DNAAF11: variants seen among roughly 807,000 people sequenced by gnomAD.
The protein encoded by DNAAF11 is dynein axonemal assembly factor 11.
In DNAAF11, 45 loss-of-function variants were observed where a neutral mutation model predicts 60.8. The ratio of observed to expected loss-of-function variants is 0.74; its 90% CI spans 0.58 to 0.95. The LOEUF is 0.95. Among genes scored for constraint, DNAAF11 ranks in the 40% least tolerant of loss-of-function variants. The pLI is 0.00. For missense variants in DNAAF11, 546 were observed against 546.2 expected (o/e 1.00, Z 0.00); for synonymous variants, 191 against 183.5 (o/e 1.04, Z -0.33).
intron 5 of DNAAF11, among the ~76,000 whole-genome samples, chr8:132,627,171 T>C (rs2130361109): frequency 6.6e-6 from 1 of 152,360 alleles, no homozygotes; most frequent in South Asian, 2.1e-4. Context: ...CAATATTCTA[T>C]ATAATTGCCA....
chr8:132,590,430 G>A (rs1313883085), intron 10 of DNAAF11, among the ~76,000 whole-genome samples: 4 of 152,204 alleles, frequency 2.6e-5, no homozygotes, highest in Non-Finnish European at 5.9e-5. Context: ...GTAACTTCCT[G>A]ATGGTACACA....
chr8:132,600,617 C>A (rs1166192076), intron 10 of DNAAF11, among the ~76,000 whole-genome samples: 1 of 152,100 alleles, frequency 6.6e-6, no homozygotes, highest in East Asian at 1.9e-4. Flanking sequence ...AGAAATAACA[C>A]CACACATCTA....
chr8:132,639,464 C>T (rs1040990515), intron 3 of DNAAF11, among the ~76,000 whole-genome samples: 1 of 152,074 alleles, frequency 6.6e-6, no homozygotes, highest in African/African-American at 2.4e-5. Context: ...TTTTCTGTGG[C>T]TATATAAATT....
intron 7 of DNAAF11, 101 bp downstream of exon 7, chr8:132,622,510 G>T: frequency 1.2e-6 from 1 of 842,648 alleles, no homozygotes; most frequent in Non-Finnish European, 1.9e-6. Context: ...AGAGCAGTCA[G>T]AAATATTCTT....
At chr8:132,641,745 T>A (rs1012606945) in intron 3 of DNAAF11, among the ~76,000 whole-genome samples, 1 of 152,228 alleles carries the variant, frequency 6.6e-6, no homozygotes, top group African/African-American at 2.4e-5. Context: ...GGACATTAAA[T>A]TCTAGTAAGT....
chr8:132,594,068 A>G (rs767294451), intron 10 of DNAAF11, among the ~76,000 whole-genome samples: 1 of 152,212 alleles, frequency 6.6e-6, no homozygotes, highest in Non-Finnish European at 1.5e-5. Context: ...TGCTTATTAT[A>G]CAAATAATAA....
At chr8:132,626,070 G>T (rs113386346) in intron 5 of DNAAF11, among the ~76,000 whole-genome samples, 11,050 of 150,152 alleles carry the variant, frequency 0.074, 1,096 homozygotes, top group African/African-American at 0.23. Flanking sequence ...TTTTTTTTGA[G>T]ACGGAGTCTC....
At chr8:132,621,261 C>A (rs765286059) in intron 7 of DNAAF11, among the ~76,000 whole-genome samples, 2 of 152,116 alleles carry the variant, frequency 1.3e-5, no homozygotes, top group Non-Finnish European at 2.9e-5. Flanking sequence ...AGAGGAGAAA[C>A]GGTGGAAGCT....
chr8:132,595,050 G>A (rs995212079), intron 10 of DNAAF11, among the ~76,000 whole-genome samples: 1 of 151,982 alleles, frequency 6.6e-6, no homozygotes, highest in Non-Finnish European at 1.5e-5. Context: ...CCATGATCTG[G>A]AGGTCTCCCC....
the DNAAF11 span, among the ~76,000 whole-genome samples, chr8:132,700,279 C>T: frequency 2.0e-5 from 3 of 152,188 alleles, no homozygotes; most frequent in African/African-American, 7.2e-5. Context: ...ACCCAGTCAA[C>T]CAGGTTTTGG....
At chr8:132,686,258 A>G in the DNAAF11 span, among the ~76,000 whole-genome samples, 1 of 152,090 alleles carries the variant, frequency 6.6e-6, no homozygotes, top group Non-Finnish European at 1.5e-5. Flanking sequence ...AAATGCAAAA[A>G]ATTATTAGAC....
At chr8:132,594,974 T>A (rs1816836801) in intron 10 of DNAAF11, among the ~76,000 whole-genome samples, 1 of 152,062 alleles carries the variant, frequency 6.6e-6, no homozygotes, top group South Asian at 2.1e-4. Flanking sequence ...TAAATGGTAG[T>A]CTTTCTGGCT....
the DNAAF11 span, among the ~76,000 whole-genome samples, chr8:132,701,551 A>C: frequency 6.6e-6 from 1 of 152,212 alleles, no homozygotes; most frequent in South Asian, 2.1e-4. Flanking sequence ...CCTGAGCTGC[A>C]TGGACCCCAG....
At chr8:132,624,661 G>C (rs1022362338) in intron 6 of DNAAF11, among the ~76,000 whole-genome samples, 8 of 151,970 alleles carry the variant, frequency 5.3e-5, no homozygotes, top group African/African-American at 1.9e-4. Context: ...TGAATAATAA[G>C]TATTCCCATA....
At chr8:132,593,084 A>C (rs1816630842) in intron 10 of DNAAF11, among the ~76,000 whole-genome samples, 1 of 151,900 alleles carries the variant, frequency 6.6e-6, no homozygotes, top group Non-Finnish European at 1.5e-5. Context: ...GAGCAAAGGA[A>C]GATGTACTTA....
At chr8:132,615,511 T>A (rs1819053603) in intron 7 of DNAAF11, among the ~76,000 whole-genome samples, 1 of 152,126 alleles carries the variant, frequency 6.6e-6, no homozygotes, top group Non-Finnish European at 1.5e-5. Context: ...AGTTTTAGAG[T>A]CCTGTCTTCC....
intron 11 of DNAAF11, among the ~76,000 whole-genome samples, chr8:132,576,218 C>G (rs1448967922): frequency 6.6e-6 from 1 of 152,140 alleles, no homozygotes; most frequent in Non-Finnish European, 1.5e-5. Context: ...TCCAATTTTT[C>G]TTTAATTGCT....
At chr8:132,646,099 T>A (rs1018399186) in intron 3 of DNAAF11, among the ~76,000 whole-genome samples, 4 of 152,184 alleles carry the variant, frequency 2.6e-5, no homozygotes, top group Non-Finnish European at 5.9e-5. Flanking sequence ...AAGGTTGGGT[T>A]ACCCACAAAG....
chr8:132,593,328 CATACATAT>C (rs1272729842), intron 10 of DNAAF11, among the ~76,000 whole-genome samples: 1,225 of 67,562 alleles, frequency 0.018, 24 homozygotes, highest in African/African-American at 0.082. Flanking sequence ...AGAATATATA[CATACATAT>C]ATATATATAT....
Sources: gnomAD v4.1 joint callset for allele counts (sites outside exome capture counted in the v4.1 genomes callset) on GRCh38, gnomAD v4.1.1 for gene constraint, MANE v1.5 for transcripts, NCBI Gene and HGNC (gene_info 2026-07-23, HGNC 2026-07-21) for gene names.